DGKI: variants seen among roughly 807,000 people sequenced by gnomAD.
The protein encoded by DGKI is diacylglycerol kinase iota.
Under a neutral mutation model 147.5 loss-of-function variants are expected in DGKI, and 55 were observed. The ratio of observed to expected loss-of-function variants is 0.37; its 90% CI spans 0.30 to 0.47. DGKI has a LOEUF of 0.47. Among genes scored for constraint, DGKI ranks in the 20% least tolerant of loss-of-function variants. The pLI is 1.00. For synonymous variants in DGKI, 469 were observed against 477.1 expected (o/e 0.98, Z 0.22); for missense variants, 1,007 against 1,323.8 (o/e 0.76, Z 3.71).
chr7:137,633,414 C>G (rs77194592), intron 6 of DGKI, among the ~76,000 whole-genome samples: 4,624 of 152,210 alleles, frequency 0.03, 253 homozygotes, highest in African/African-American at 0.11. Flanking sequence ...AGCTTCAAAC[C>G]ATCCTTCTAG....
At chr7:137,747,108 C>A (rs1795362105) in intron 1 of DGKI, among the ~76,000 whole-genome samples, 1 of 151,990 alleles carries the variant, frequency 6.6e-6, no homozygotes, top group Non-Finnish European at 1.5e-5. Context: ...AAAGTGTAAT[C>A]CTATTTTTTT....
At chr7:137,565,963 G>C (rs917811182) in intron 19 of DGKI, among the ~76,000 whole-genome samples, 2 of 152,038 alleles carry the variant, frequency 1.3e-5, no homozygotes, top group South Asian at 2.1e-4. Context: ...TCTCATTCCA[G>C]TAATTCTATT....
chr7:137,539,396 C>T (rs1817616932), intron 20 of DGKI, among the ~76,000 whole-genome samples: 1 of 152,062 alleles, frequency 6.6e-6, no homozygotes, highest in African/African-American at 2.4e-5. Flanking sequence ...AAAACAACTC[C>T]ATAAAGATGT....
intron 1 of DGKI, among the ~76,000 whole-genome samples, chr7:137,750,492 T>A (rs1795464092): frequency 6.6e-6 from 1 of 152,144 alleles, no homozygotes; most frequent in Admixed American, 6.5e-5. Flanking sequence ...AACAAAGAAT[T>A]ACTGATTGGC....
chr7:137,801,644 T>A (rs1797211171), intron 1 of DGKI, among the ~76,000 whole-genome samples: 1 of 152,198 alleles, frequency 6.6e-6, no homozygotes, highest in African/African-American at 2.4e-5. Flanking sequence ...TGAATCAGGA[T>A]GGAGATCAGT....
intron 2 of DGKI, 47 bp downstream of exon 2, chr7:137,689,847 C>G (rs757382981): frequency 7.8e-7 from 1 of 1,281,828 alleles, no homozygotes; most frequent in Non-Finnish European, 1.1e-6. Flanking sequence ...ATGAGAGACA[C>G]AAAACATGCA....
intron 27 of DGKI, among the ~76,000 whole-genome samples, chr7:137,445,526 A>G (rs1170997939): frequency 6.6e-6 from 1 of 152,098 alleles, no homozygotes; most frequent in East Asian, 1.9e-4. Flanking sequence ...ATTTTTTATC[A>G]TCCACATACC....
Position 137,469,577 on chromosome 7 carries a change from G to A in DGKI, c.2416C>T (p.Leu806Phe). 6.2e-7 allele frequency: 1 copy of A among 1,614,068 alleles called. No homozygotes were observed. The highest frequency in any genetic ancestry group is 8.5e-7 in the Non-Finnish European group (1 of 1,179,970). ...TCTAGGAAGCACCACCGAGGAGAGA[G>A]CCTCTGTGCTGAGAGAGCCCTGGGG... Reference protein sequence around the residue: ...SFPRALSAQRLSPRWCFLDAT... With the variant: ...SFPRALSAQRFSPRWCFLDAT... Residue 806 changes from leucine (L) to phenylalanine (F), a missense_variant, in exon 24 of 33, where the codon CTC (leucine) becomes TTC (phenylalanine). This residue lies in a region of DGKI where 385 missense variants were observed against 445.2 expected (regional missense o/e 0.86). Coordinates refer to ENST00000614521, the MANE Select transcript of DGKI (RefSeq NM_001321708.2).
intron 1 of DGKI, among the ~76,000 whole-genome samples, chr7:137,701,006 C>G (rs1823963504): frequency 6.6e-6 from 1 of 152,156 alleles, no homozygotes; most frequent in Admixed American, 6.5e-5. Context: ...TCCAGCCCAG[C>G]TTGTCTATAT....
chr7:137,843,678 T>C (rs1294095282), intron 1 of DGKI, among the ~76,000 whole-genome samples: 2 of 151,524 alleles, frequency 1.3e-5, no homozygotes, highest in Non-Finnish European at 2.9e-5. Flanking sequence ...TCACTGCATA[T>C]GCCCACCCAC....
chr7:137,688,278 T>C (rs1165640613), intron 2 of DGKI, among the ~76,000 whole-genome samples: 4 of 152,190 alleles, frequency 2.6e-5, no homozygotes, highest in Non-Finnish European at 5.9e-5. Flanking sequence ...ATATAGATTC[T>C]AGTACAAAGC....
At chr7:137,528,171 G>A (rs1010483393) in intron 20 of DGKI, among the ~76,000 whole-genome samples, 9 of 152,072 alleles carry the variant, frequency 5.9e-5, no homozygotes, top group African/African-American at 2.2e-4. Context: ...TTTTCCCTTT[G>A]TGAAAAAGTC....
chr7:137,619,717 T>G (rs1008982495), intron 8 of DGKI, 107 bp downstream of exon 8: 1 of 791,742 alleles, frequency 1.3e-6, no homozygotes, highest in African/African-American at 1.7e-5. Context: ...TGGGGATGAG[T>G]GAACTGAGGT....
rs1032728140 is a variant in DGKI at position 137,381,676 on chromosome 7, T to C, written c.*9544A>G. On this transcript the variant is annotated 3_prime_UTR_variant, in exon 33 of 33. Coordinates refer to ENST00000614521, the MANE Select transcript of DGKI (RefSeq NM_001321708.2). ...AATGGTTTTCCTCAGTTTCAGTCAG[T>C]GGTGGTCTGTATAATATTCAGATTC... The C allele has an allele frequency of 6.6e-6, 1 of 152,068 alleles. No homozygotes were observed. Among genetic ancestry groups the C allele is most frequent in the Non-Finnish European group, 1.5e-5 (1 of 67,990 alleles). 9.4% of individuals were successfully genotyped at this position (152,068 alleles called of 1,614,324 possible). A position where few individuals can be genotyped will look rare whatever the true frequency, so the allele number is the denominator to read the frequency against.
chr7:137,505,511 T>C (rs540664339), intron 21 of DGKI, among the ~76,000 whole-genome samples: 1 of 152,296 alleles, frequency 6.6e-6, no homozygotes, highest in South Asian at 2.1e-4. Flanking sequence ...GAAAGCTTAG[T>C]AAATAAAAGC....
At chr7:137,684,923 G>A (rs938795647) in intron 2 of DGKI, among the ~76,000 whole-genome samples, 8 of 152,182 alleles carry the variant, frequency 5.3e-5, no homozygotes, top group South Asian at 2.1e-4. Context: ...ACATGCACAC[G>A]GACGAGCACG....
intron 21 of DGKI, among the ~76,000 whole-genome samples, chr7:137,510,046 G>T (rs1210080732): frequency 6.6e-6 from 1 of 152,188 alleles, no homozygotes; most frequent in African/African-American, 2.4e-5. Flanking sequence ...GTTCGTAATG[G>T]CCTTTTTCCT....
chr7:137,801,414 T>C (rs1362768195), intron 1 of DGKI, among the ~76,000 whole-genome samples: 5 of 152,216 alleles, frequency 3.3e-5, no homozygotes, highest in African/African-American at 1.2e-4. Flanking sequence ...CATCATTACA[T>C]AGCTATAAAG....
intron 1 of DGKI, among the ~76,000 whole-genome samples, chr7:137,825,626 ACT>A (rs1386150719): frequency 4.0e-5 from 6 of 151,812 alleles, no homozygotes; most frequent in East Asian, 3.9e-4. Context: ...ACACACACAC[ACT>A]CTCACACACA....
Sources: gnomAD v4.1 joint callset for allele counts (sites outside exome capture counted in the v4.1 genomes callset) on GRCh38, gnomAD v4.1.1 for gene constraint, gnomAD v4.1.1 regional missense constraint, MANE v1.5 for transcripts, NCBI Gene and HGNC (gene_info 2026-07-23, HGNC 2026-07-21) for gene names.